The following LYPD1 variants were observed in gnomAD, a reference collection of about 807,000 sequenced individuals.
The protein encoded by LYPD1 is ly6/PLAUR domain-containing protein 1.
A neutral mutation model predicts 14.2 loss-of-function variants in LYPD1; 14 were observed. That is an observed-to-expected ratio of 0.99 (90% CI 0.65 to 1.54). The LOEUF is 1.54. LYPD1 is among the 40% of genes most tolerant of loss of function. The pLI is 0.00. For missense variants in LYPD1, 165 were observed against 175.7 expected (o/e 0.94, Z 0.34); for synonymous variants, 85 against 70.6 (o/e 1.20, Z -1.02).
chr2:132,643,656 C>T lies in LYPD1; in HGVS notation c.*2389G>A, dbSNP rs1681913277. On this transcript the variant is annotated 3_prime_UTR_variant, in exon 3 of 3. Transcript: ENST00000397463. Reference sequence around the variant, plus strand: ...AGCCCCCAAAAAGTATCTGAGACCACAGGTGTGTATGTACCACCATGCCTG... The same window carrying T: ...AGCCCCCAAAAAGTATCTGAGACCATAGGTGTGTATGTACCACCATGCCTG... Among the ~76,000 whole-genome samples the T allele has an allele frequency of 6.6e-6, 1 of 152,176 alleles. No individual in the cohort carries two copies. The highest frequency in any genetic ancestry group is 2.1e-4 in the South Asian group (1 of 4,834).
rs1683415562 is a variant in LYPD1, at chr2:132,668,443, G to C, written c.147C>G (p.Asn49Lys). The C allele has an allele frequency of 1.9e-6, 3 of 1,609,896 alleles. No homozygotes were observed. Among genetic ancestry groups the C allele is most frequent in the Non-Finnish European group, 2.5e-6 (3 of 1,178,160 alleles). Residue 49 changes from asparagine to lysine, a missense_variant, in exon 2 of 3, where the codon AAC (asparagine) becomes AAG (lysine). Transcript: ENST00000397463. ...CTTCTTTCTGACACATGTCTTGAACGTTCACCGTGCAATTCACAATGAACT... is the reference window on the plus strand; with the variant it reads ...CTTCTTTCTGACACATGTCTTGAACCTTCACCGTGCAATTCACAATGAACT... ...SPEFIVNCTV[N>K]VQDMCQKEVM...
rs1270619003 is a variant in LYPD1, at chr2:132,646,268, C to T, written c.203G>A (p.Arg68His). The T allele has an allele frequency of 1.3e-6, 2 of 1,551,092 alleles. No individual in the cohort carries two copies. Among genetic ancestry groups the T allele is most frequent in the Admixed American group, 1.9e-5 (1 of 53,558 alleles). ...GGCCGCTGATGATGCACAGGACTTG[C>T]GGTACATGATCCCTGTAACACAGAC... Reference protein sequence around the residue: ...VMEQSAGIMYRKSCASSAACL... With the variant: ...VMEQSAGIMYHKSCASSAACL... The change falls in exon 3 of 3, where the codon CGC (arginine) becomes CAC (histidine). Residue 68 changes from arginine (R) to histidine (H), a missense_variant. Arg to His is a conservative substitution (Grantham distance 29). Transcript: ENST00000397463.
At position 132,645,107 on chromosome 2, in the gene LYPD1, T is replaced by C. The variant is rs767520443; in HGVS notation, c.*938A>G. 6.2e-7 allele frequency: 1 copy of C among 1,612,072 alleles called. No individual in the cohort carries two copies. The highest frequency in any genetic ancestry group is 8.5e-7 in the Non-Finnish European group (1 of 1,178,796). On this transcript the variant is annotated 3_prime_UTR_variant, in exon 3 of 3. Transcript: ENST00000397463. ...CCTGCTCGTGTCTGCCCAGGGCTGA[T>C]TGTTGTGACATTGGCCGTATGCTGG...
In LYPD1 at chr2:132,655,514, A is replaced by ATTTTTT. The variant is rs1180944589; in HGVS notation, c.191-9240_191-9235dup. Among the ~76,000 whole-genome samples the ATTTTTT allele has an allele frequency of 4.6e-4, 46 of 99,458 alleles. 16 individuals carry two copies. Among genetic ancestry groups the ATTTTTT allele is most frequent in the South Asian group, 6.3e-4 (2 of 3,180 alleles). 65.2% of individuals were successfully genotyped at this position (99,458 alleles called of 152,430 possible). On this transcript the variant is annotated intron_variant, in intron 2 of 2. Transcript: ENST00000397463. ...ATGATTCTCTTGGGGGTTGAGAAGC[A>ATTTTTT]TTTTTTTTTTTTTTTTTTGAGATGG... is the stretch of plus-strand genomic sequence containing the variant.
intron 2 of LYPD1, chr2:132,667,075 GA>G (rs974952027): frequency 1.3e-5 from 2 of 152,226 alleles, no homozygotes; most frequent in Non-Finnish European, 2.9e-5. Flanking sequence ...AACACAAGTA[GA>G]AAAAAATCCC....
At chr2:132,653,887 A>G (rs1682446137) in intron 2 of LYPD1, among the ~76,000 whole-genome samples, 1 of 152,240 alleles carries the variant, frequency 6.6e-6, no homozygotes, top group Admixed American at 6.5e-5. Context: ...ACTGAGGGAC[A>G]GTGTACAAAA....
chr2:132,646,332 G>T, intron 2 of LYPD1, 52 bp from the exon 3 acceptor site: 1 of 1,279,190 alleles, frequency 7.8e-7, no homozygotes, highest in Non-Finnish European at 1.0e-6. Flanking sequence ...CAAAAGAATA[G>T]CTGTCCCTCT....
intron 2 of LYPD1, among the ~76,000 whole-genome samples, chr2:132,665,080 C>G (rs1683191945): frequency 1.3e-5 from 2 of 152,034 alleles, no homozygotes; most frequent in African/African-American, 4.8e-5. Context: ...CAGAAATGAC[C>G]AAAGGGAACA....
At chr2:132,657,816 A>C (rs1055108581) in intron 2 of LYPD1, among the ~76,000 whole-genome samples, 1 of 152,188 alleles carries the variant, frequency 6.6e-6, no homozygotes. Flanking sequence ...AATTGAGGTA[A>C]AATAATGGTG....
chr2:132,665,263 G>A (rs972760122), intron 2 of LYPD1, among the ~76,000 whole-genome samples: 1 of 152,206 alleles, frequency 6.6e-6, no homozygotes, highest in Admixed American at 6.5e-5. Context: ...CATATTGCAT[G>A]GCTGGTATTT....
At position 132,670,005 on chromosome 2, in the gene LYPD1, T is replaced by G. The variant is rs1683570893; in HGVS notation, c.-73A>C. The G allele has an allele frequency of 1.3e-6, 2 of 1,584,444 alleles. No individual in the cohort carries two copies. Among genetic ancestry groups the G allele is most frequent in the Non-Finnish European group, 1.7e-6 (2 of 1,171,410 alleles). On this transcript the variant is annotated 5_prime_UTR_variant, in exon 1 of 3. Coordinates refer to ENST00000397463, the MANE Select transcript of LYPD1 (RefSeq NM_144586.7). This position sits in a 1 kb window ranked among gnomAD's most constrained non-coding sequence, Gnocchi z 4.5. Reference sequence around the variant, plus strand: ...CGACAGCAGCGGAGGCTGCCCCGGCTGCAGCGGCTGTGGCTGCCGAGGCTG... The same window carrying G: ...CGACAGCAGCGGAGGCTGCCCCGGCGGCAGCGGCTGTGGCTGCCGAGGCTG...
rs1683413283 is a variant in LYPD1, at chr2:132,668,421, C to T, written c.169G>A (p.Glu57Lys). 6.2e-7 allele frequency: 1 copy of T among 1,607,212 alleles called. No homozygotes were observed. Among genetic ancestry groups the T allele is most frequent in the African/African-American group, 1.3e-5 (1 of 74,578 alleles). The stretch of plus-strand genomic sequence containing the variant: ...TTACCGGCACTTTGCTCCATCACTT[C>T]TTTCTGACACATGTCTTGAACGTTC... ...TVNVQDMCQK[E>K]VMEQSAGIMY... Residue 57 changes from glutamate to lysine, a missense_variant, in exon 2 of 3, where the codon GAA becomes AAA. By Grantham distance (56) the Glu-to-Lys change is moderately conservative. Transcript: ENST00000397463.
At chr2:132,646,366 T>TC in intron 2 of LYPD1, 86 bp from the exon 3 acceptor site, 4 of 843,710 alleles carry the variant, frequency 4.7e-6, no homozygotes, top group Non-Finnish European at 5.1e-6. Flanking sequence ...AACGGACAGC[T>TC]CTTCCTTACT....
chr2:132,645,598 G>C lies in LYPD1; in HGVS notation c.*447C>G. 1 of 1,610,728 alleles carries C rather than the reference G, an allele frequency of 6.2e-7. No homozygotes were observed. Among genetic ancestry groups the C allele is most frequent in the Non-Finnish European group, 8.5e-7 (1 of 1,178,458 alleles). ...TGCAGAGAATGGTTTTCAGGAGCAT[G>C]AAGTTTGAATGTCAAGCGAGGGAGC... On this transcript the variant is annotated 3_prime_UTR_variant, in exon 3 of 3. Coordinates refer to ENST00000397463, the MANE Select transcript of LYPD1 (RefSeq NM_144586.7).
intron 2 of LYPD1, among the ~76,000 whole-genome samples, chr2:132,661,243 T>A (rs1220362119): frequency 6.6e-6 from 1 of 152,030 alleles, no homozygotes. Context: ...TAATTCAAGA[T>A]CTCAAGGGAA....
chr2:132,660,466 A>G (rs186720644), intron 2 of LYPD1: 46 of 152,356 alleles, frequency 3.0e-4, no homozygotes, highest in Admixed American at 2.4e-3. Flanking sequence ...AACATGCCCT[A>G]CAGCTCTGGC....
chr2:132,662,161 C>T lies in LYPD1; in HGVS notation c.190+6239G>A, dbSNP rs188349774. Among the ~76,000 whole-genome samples, 21 of 152,314 alleles carry T rather than the reference C, an allele frequency of 1.4e-4. No individual in the cohort carries two copies. In the East Asian group the frequency reaches 3.9e-3, roughly 28 times the overall value. On this transcript the variant is annotated intron_variant, in intron 2 of 2. Coordinates refer to ENST00000397463, the MANE Select transcript of LYPD1 (RefSeq NM_144586.7). ...GAGAAATATAGAAACAGTGTACAAA[C>T]TAACTTGTACTATAATATCTGGGCC...
chr2:132,655,513 C>CTTTTTTTTTTTTTTTTT (rs1558879316), intron 2 of LYPD1, among the ~76,000 whole-genome samples: 1 of 61,016 alleles, frequency 1.6e-5, no homozygotes, highest in African/African-American at 1.2e-4. Flanking sequence ...GGTTGAGAAG[C>CTTTTTTTTTTTTTTTTT]ATTTTTTTTT....
intron 2 of LYPD1, among the ~76,000 whole-genome samples, chr2:132,651,120 G>A (rs188101070): frequency 1.3e-4 from 20 of 152,306 alleles, no homozygotes; most frequent in Non-Finnish European, 2.8e-4. Flanking sequence ...TGAGATTCTA[G>A]GCGGCCACAG....
Sources: gnomAD v4.1 joint callset for allele counts (sites outside exome capture counted in the v4.1 genomes callset) on GRCh38, gnomAD v4.1.1 for gene constraint, Gnocchi (gnomAD v3.1) non-coding constraint, MANE v1.5 for transcripts, NCBI Gene and HGNC (gene_info 2026-07-23, HGNC 2026-07-21) for gene names.